FAM181A: variants seen among roughly 807,000 people sequenced by gnomAD.
FAM181A encodes protein FAM181A.
FAM181A carries 7 observed loss-of-function variants against 16.3 expected under a neutral mutation model. The ratio of observed to expected loss-of-function variants is 0.43; its 90% CI spans 0.24 to 0.81. The LOEUF (loss-of-function observed/expected upper bound fraction) is 0.81. Among genes scored for constraint, FAM181A ranks in the 30% least tolerant of loss-of-function variants. The probability of loss-of-function intolerance (pLI) is 0.24; values close to 1 mark genes in which losing one functional copy is unlikely to be tolerated. For synonymous variants in FAM181A, 183 were observed against 164.9 expected (o/e 1.11, Z -0.84); for missense variants, 349 against 377.5 (o/e 0.92, Z 0.63).
chr14:93,925,155 C>A, upstream of FAM181A: 1 of 924,994 alleles, frequency 1.1e-6, no homozygotes, highest in Non-Finnish European at 1.7e-6. Flanking sequence ...TTACTACTGG[C>A]TAAGAAAGGA....
intron 1 of FAM181A, chr14:93,919,080 G>C (rs12894357): frequency 0.32 from 48,975 of 152,124 alleles, 7,937 homozygotes; most frequent in Admixed American, 0.38. Context: ...CCGCAGGGCA[G>C]AGACACCACT....
At chr14:93,923,525 A>G (rs1887799823), upstream of FAM181A, 3 of 152,214 alleles carry the variant, frequency 2.0e-5, no homozygotes, top group Admixed American at 2.0e-4. Context: ...TTCACTGATG[A>G]GTGGGCAGGA....
chr14:93,927,304 G>C, upstream of FAM181A: 30 of 1,050,364 alleles, frequency 2.9e-5, no homozygotes, highest in Non-Finnish European at 3.5e-5. Flanking sequence ...GGGCCCCCCA[G>C]CTCCGGGGAG....
At chr14:93,924,319 G>A (rs1277996261), upstream of FAM181A, among the ~76,000 whole-genome samples, 5 of 152,220 alleles carry the variant, frequency 3.3e-5, no homozygotes, top group African/African-American at 1.2e-4. Flanking sequence ...AAGAATGGCT[G>A]AGAGGACAGG....
upstream of FAM181A, among the ~76,000 whole-genome samples, chr14:93,924,430 A>C: frequency 6.6e-6 from 1 of 152,238 alleles, no homozygotes; most frequent in East Asian, 1.9e-4. Context: ...GACCCAGGAC[A>C]ATAATGAGAG....
In FAM181A at chr14:93,927,529, G is replaced by T. The variant is rs1242232456; in HGVS notation, c.-88+75G>T. The T allele has an allele frequency of 3.9e-6, 5 of 1,281,482 alleles. No individual in the cohort carries two copies. The African/African-American group carries it at 7.6e-5, about 20-fold the overall frequency. 79.4% of individuals were successfully genotyped at this position (1,281,482 alleles called of 1,614,324 possible). On this transcript the variant is annotated intron_variant, in intron 1 of 1. Transcript: ENST00000556222. The stretch of plus-strand genomic sequence containing the variant: ...GGGCAGGCTGGGGCCTGGGGGAGGG[G>T]CGAGGTGCCGTGGGTGGCGGCCGAG...
Position 93,928,191 on chromosome 14 carries a change from TC to T in FAM181A, c.-87-3del. ...GGAGAGACTCCGATGGCCTGTTTTG[TC>T]CCCCAGGTCAGCTCGGTGCCCTTCC... On this transcript the variant is annotated splice_region_variant and splice_polypyrimidine_tract_variant and intron_variant, in intron 1 of 1. Transcript: ENST00000556222. The T allele has an allele frequency of 6.2e-7, 1 of 1,609,052 alleles. No homozygotes were observed.
upstream of FAM181A, chr14:93,927,204 C>A (rs1052662222): frequency 5.9e-6 from 5 of 854,040 alleles, no homozygotes; most frequent in Non-Finnish European, 7.1e-6. Flanking sequence ...CCCATGGTGA[C>A]AATTTGTGAC....
Position 93,928,632 on chromosome 14 carries a change from A to C in FAM181A, c.347A>C (p.Gln116Pro). The change falls in exon 2 of 2, where the codon CAG (glutamine) becomes CCG (proline). Residue 116 changes from glutamine to proline, a missense_variant. Physicochemically the swap from Gln to Pro is moderately conservative, Grantham distance 76. Transcript: ENST00000556222. ...EECLAKEQLP[Q>P]RQHPEAAQPG... is the part of the protein sequence containing the mutation. ...TGTCTTGCTAAGGAGCAGCTCCCAC[A>C]GAGGCAGCATCCAGAAGCTGCCCAG... The C allele has an allele frequency of 1.2e-6, 2 of 1,614,000 alleles. No homozygotes were observed. The highest frequency in any genetic ancestry group is 1.7e-6 in the Non-Finnish European group (2 of 1,179,990).
chr14:93,919,687 G>C (rs1451048583), intron 1 of FAM181A, among the ~76,000 whole-genome samples: 1 of 152,154 alleles, frequency 6.6e-6, no homozygotes, highest in Non-Finnish European at 1.5e-5. Flanking sequence ...TCCCACGTGG[G>C]TCTTCTTGTT....
chr14:93,919,427 C>T (rs1887642960), intron 1 of FAM181A, among the ~76,000 whole-genome samples: 2 of 152,176 alleles, frequency 1.3e-5, no homozygotes, highest in African/African-American at 4.8e-5. Context: ...CAACCTGTGC[C>T]TCAGTGTCCT....
At chr14:93,926,649 C>G (rs1202842988), upstream of FAM181A, among the ~76,000 whole-genome samples, 4 of 152,176 alleles carry the variant, frequency 2.6e-5, no homozygotes, top group Admixed American at 2.6e-4. The surrounding 1 kb of genome is among the most constrained non-coding windows in gnomAD (Gnocchi z 5.2). Context: ...AGACAAGATT[C>G]CTGAGAGCTC....
chr14:93,922,815 G>C (rs1887774872), upstream of FAM181A, among the ~76,000 whole-genome samples: 1 of 152,192 alleles, frequency 6.6e-6, no homozygotes, highest in Non-Finnish European at 1.5e-5. Flanking sequence ...GCTGATGTGA[G>C]ACCATAATCC....
At chr14:93,924,942 C>T (rs1887845322), upstream of FAM181A, 2 of 348,736 alleles carry the variant, frequency 5.7e-6, no homozygotes, top group Admixed American at 5.2e-5. Context: ...TGGAATACGG[C>T]TCTTGGCACA....
chr14:93,927,620 C>T (rs1203376137), intron 1 of FAM181A, 166 bp downstream of exon 1: 2 of 1,286,390 alleles, frequency 1.6e-6, no homozygotes, highest in Admixed American at 4.6e-5. Context: ...TGAGATCAGC[C>T]CGCAAGGCAG....
chr14:93,926,731 T>A (rs1187174071), upstream of FAM181A, among the ~76,000 whole-genome samples: 2 of 151,122 alleles, frequency 1.3e-5, no homozygotes, highest in African/African-American at 4.9e-5. This position sits in a 1 kb window ranked among gnomAD's most constrained non-coding sequence, Gnocchi z 5.2. Flanking sequence ...CCGACAGGCA[T>A]CAGCGCACCT....
Position 93,929,516 on chromosome 14 carries a change from G to T in FAM181A, c.*352G>T, listed in dbSNP as rs992034273. On this transcript the variant is annotated 3_prime_UTR_variant, in exon 2 of 2. Coordinates refer to ENST00000556222, the MANE Select transcript of FAM181A (RefSeq NM_001207073.2). ...TCTGTTTACCTGCCACCCACTCTGC[G>T]AGCCAATCTCAGTTGTTGTTCTTGT... 3.2e-6 allele frequency: 1 copy of T among 310,952 alleles called. No homozygotes were observed. The allele number at this position is 310,952 out of a possible 1,614,324, so 19.3% of individuals were successfully genotyped here. A position where few individuals can be genotyped will look rare whatever the true frequency, so the allele number is the denominator to read the frequency against.
At chr14:93,925,127 C>T (rs535432095), upstream of FAM181A, 83 of 686,946 alleles carry the variant, frequency 1.2e-4, no homozygotes, top group East Asian at 2.6e-4. Flanking sequence ...ACGGAGTCCA[C>T]GGGCCTGGTG....
At position 93,928,745 on chromosome 14, in the gene FAM181A, G is replaced by C. The variant is rs1888031489; in HGVS notation, c.460G>C (p.Glu154Gln). The C allele has an allele frequency of 6.2e-7, 1 of 1,613,862 alleles. No homozygotes were observed. The highest frequency in any genetic ancestry group is 1.3e-5 in the African/African-American group (1 of 74,930). The change falls in exon 2 of 2, where the codon GAG becomes CAG. Residue 154 changes from glutamate to glutamine, a missense_variant. Transcript: ENST00000556222. ...CACCCACAGCTACCATGTGGGGCTG[G>C]AGGGGGGACTGGGCCCCAGGGAGGG... ...RPTHSYHVGL[E>Q]GGLGPREGPP...
Sources: gnomAD v4.1 joint callset for allele counts (sites outside exome capture counted in the v4.1 genomes callset) on GRCh38, gnomAD v4.1.1 for gene constraint, Gnocchi (gnomAD v3.1) non-coding constraint, MANE v1.5 for transcripts, NCBI Gene and HGNC (gene_info 2026-07-23, HGNC 2026-07-21) for gene names.